The following SMAD4 variants were observed in gnomAD, a reference collection of about 807,000 sequenced individuals.
The protein encoded by SMAD4 is SMAD family member 4, also known as MAD homolog 4.
A neutral mutation model predicts 63.2 loss-of-function variants in SMAD4; 7 were observed. That is an observed-to-expected ratio of 0.11 (90% CI 0.06 to 0.21). The LOEUF is 0.21. Among genes scored for constraint, SMAD4 ranks in the 10% least tolerant of loss-of-function variants. SMAD4 has a pLI of 1.00. For missense variants in SMAD4, 312 were observed against 693.8 expected, an observed-to-expected ratio of 0.45 and a Z score of 6.18; for synonymous variants, 215 against 235.4, an observed-to-expected ratio of 0.91 and a Z score of 0.79.
In SMAD4 at chr18:51,048,551, T is replaced by C; in HGVS notation, c.250-135T>C. On this transcript the variant is annotated intron_variant, in intron 2 of 11. Coordinates refer to ENST00000342988, the MANE Select transcript of SMAD4 (RefSeq NM_005359.6). ...TGTATGACATGGCCAAGTTAGTTAT[T>C]GTGAATTTTAGTTTTCTTATTTATG... The C allele has an allele frequency of 1.0e-5, 8 of 795,874 alleles. 1 individual carries two copies. The South Asian group carries it at 1.2e-4, about 12-fold the overall frequency. 49.3% of individuals were successfully genotyped at this position (795,874 alleles called of 1,614,324 possible).
At chr18:51,050,719 C>T (rs1909684857) in intron 4 of SMAD4, among the ~76,000 whole-genome samples, 1 of 150,770 alleles carries the variant, frequency 6.6e-6, no homozygotes, top group Admixed American at 6.6e-5. Flanking sequence ...TTCTGGAGGG[C>T]AGTTAGTAGT....
intron 1 of SMAD4, among the ~76,000 whole-genome samples, chr18:51,046,243 C>G (rs1389111685): frequency 6.6e-6 from 1 of 152,118 alleles, no homozygotes; most frequent in Non-Finnish European, 1.5e-5. Context: ...GAGTGAGGGT[C>G]CAATTTCTCG....
chr18:51,045,690 G>A (rs2144397403), intron 1 of SMAD4, among the ~76,000 whole-genome samples: 1 of 152,166 alleles, frequency 6.6e-6, no homozygotes, highest in South Asian at 2.1e-4. Context: ...CAATTCAGTG[G>A]TTTTTACTAT....
chr18:51,081,117 T>C lies in SMAD4; in HGVS notation c.*2650T>C. 4.6e-6 allele frequency: 1 copy of C among 219,024 alleles called. No individual in the cohort carries two copies. 13.6% of individuals were successfully genotyped at this position (219,024 alleles called of 1,614,324 possible). A position where few individuals can be genotyped will look rare whatever the true frequency, so the allele number is the denominator to read the frequency against. On this transcript the variant is annotated 3_prime_UTR_variant, in exon 12 of 12. Coordinates refer to ENST00000342988, the MANE Select transcript of SMAD4 (RefSeq NM_005359.6). ...AATCTATATTTCTATTTCTTAGTGG[T>C]AGTCATCTTTGATGAATAAGACTAA...
rs1568201610 is a variant in SMAD4, at chr18:51,042,298, T to TC, written c.-127-4620dup. On this transcript the variant is annotated intron_variant, in intron 1 of 11. Coordinates refer to ENST00000342988, the MANE Select transcript of SMAD4 (RefSeq NM_005359.6). ...TTTCTTGCCTGCCTGCCTCCCTCCC[T>TC]CCTTCCCTCCCTCCCTCCCTCCCTC... 9.5e-3 allele frequency among the ~76,000 whole-genome samples: 605 copies of TC among 63,944 alleles called. 19 individuals carry two copies. Among genetic ancestry groups the TC allele is most frequent in the African/African-American group, 0.026 (561 of 21,266 alleles). 41.9% of individuals were successfully genotyped at this position (63,944 alleles called of 152,430 possible).
intron 7 of SMAD4, 56 bp downstream of exon 7, chr18:51,058,512 T>A: frequency 2.7e-6 from 3 of 1,104,826 alleles, no homozygotes; most frequent in African/African-American, 1.6e-5. Flanking sequence ...GGTAGGGCTT[T>A]GTTTTCTGTT....
intron 10 of SMAD4, among the ~76,000 whole-genome samples, chr18:51,073,572 C>T (rs933230609): frequency 6.6e-6 from 1 of 151,394 alleles, no homozygotes; most frequent in African/African-American, 2.4e-5. Flanking sequence ...GCTCTGTTGC[C>T]CAGGCTGGAG....
chr18:51,064,186 A>G (rs924861188), intron 8 of SMAD4, among the ~76,000 whole-genome samples: 1 of 152,204 alleles, frequency 6.6e-6, no homozygotes, highest in African/African-American at 2.4e-5. Flanking sequence ...AGATACAGAT[A>G]AATCTTTCTT....
At chr18:51,032,393 T>C (rs932279385) in intron 1 of SMAD4, among the ~76,000 whole-genome samples, 8 of 152,230 alleles carry the variant, frequency 5.3e-5, no homozygotes, top group Admixed American at 2.0e-4. Context: ...AATGAAAATT[T>C]GTGCCGAGAA....
intron 11 of SMAD4, 63 bp downstream of exon 11, chr18:51,076,839 C>T (rs754082778): frequency 7.7e-7 from 1 of 1,290,964 alleles, no homozygotes; most frequent in Non-Finnish European, 1.1e-6. Flanking sequence ...TTGATTTACT[C>T]AGTTGATTAG....
Position 51,061,363 on chromosome 18 carries a change from T to G in SMAD4, c.955+1447T>G, listed in dbSNP as rs541232952. 3.3e-4 allele frequency among the ~76,000 whole-genome samples: 51 copies of G among 152,310 alleles called. 1 individual carries two copies. The highest frequency in any genetic ancestry group is 1.2e-3 in the African/African-American group (50 of 41,578). On this transcript the variant is annotated intron_variant, in intron 8 of 11. Coordinates refer to ENST00000342988, the MANE Select transcript of SMAD4 (RefSeq NM_005359.6). ...ACCTTCCCCCAATCCCCCACTACCT[T>G]TCCCAGCCTCTGGTAACCATCCTTC...
intron 1 of SMAD4, chr18:51,045,058 G>A (rs1909500829): frequency 6.6e-6 from 1 of 152,230 alleles, no homozygotes; most frequent in Middle Eastern, 3.2e-3. Flanking sequence ...TCAGGTGATT[G>A]ATGTACATTC....
Position 51,082,702 on chromosome 18 carries a change from G to T in SMAD4, c.*4235G>T, listed in dbSNP as rs1365968070. On this transcript the variant is annotated 3_prime_UTR_variant, in exon 12 of 12. Coordinates refer to ENST00000342988, the MANE Select transcript of SMAD4 (RefSeq NM_005359.6). ...AGGACTGTGTTGCCTTTACTAAATG[G>T]TCTGAGACAGCTATGGTTTTGAATT... 2 of 230,756 alleles carry T rather than the reference G, an allele frequency of 8.7e-6. No homozygotes were observed. Among genetic ancestry groups the T allele is most frequent in the East Asian group, 1.2e-4 (2 of 16,374 alleles). 14.3% of individuals were successfully genotyped at this position (230,756 alleles called of 1,614,324 possible).
chr18:51,063,709 G>A (rs1414814432), intron 8 of SMAD4, among the ~76,000 whole-genome samples: 1 of 152,134 alleles, frequency 6.6e-6, no homozygotes, highest in Non-Finnish European at 1.5e-5. Context: ...CACCATGCCC[G>A]GCTGAAAATA....
rs1599209469 is a variant in SMAD4 at position 51,083,462 on chromosome 18, T to G, written c.*4995T>G. ...AAACTTTTTGTCCTTTTTTTTTCTG[T>G]TTTTTTTTTTCTAATGTAGTAAGGA... On this transcript the variant is annotated 3_prime_UTR_variant, in exon 12 of 12. Coordinates refer to ENST00000342988, the MANE Select transcript of SMAD4 (RefSeq NM_005359.6). The G allele has an allele frequency of 5.3e-6, 1 of 189,524 alleles. No individual in the cohort carries two copies. The allele number at this position is 189,524 out of a possible 1,614,324, so 11.7% of individuals were successfully genotyped here.
intron 4 of SMAD4, chr18:51,053,062 A>G (rs1190463263): frequency 6.6e-6 from 1 of 152,274 alleles, no homozygotes; most frequent in Non-Finnish European, 1.5e-5. Flanking sequence ...TTTAGCCAGC[A>G]TATTTAGGGC....
chr18:51,077,005 A>T lies in SMAD4; in HGVS notation c.1447+229A>T, dbSNP rs1442803710. The T allele has an allele frequency of 1.1e-5, 5 of 437,250 alleles. No homozygotes were observed. In the East Asian group the frequency reaches 1.6e-4, roughly 14 times the overall value. 27.1% of individuals were successfully genotyped at this position (437,250 alleles called of 1,614,324 possible). A position where few individuals can be genotyped will look rare whatever the true frequency, so the allele number is the denominator to read the frequency against. On this transcript the variant is annotated intron_variant, in intron 11 of 11. Transcript: ENST00000342988. The stretch of plus-strand genomic sequence containing the variant: ...AAATGGAGTATGGGATGAAGGAGAA[A>T]GGGGATGATTATTATATTATACTGT...
At chr18:51,056,513 G>A (rs549931304) in intron 5 of SMAD4, among the ~76,000 whole-genome samples, 4 of 151,548 alleles carry the variant, frequency 2.6e-5, no homozygotes, top group South Asian at 4.2e-4. Context: ...CAGCTGCTCC[G>A]GGGGCTGAGG....
Position 51,079,580 on chromosome 18 carries a change from A to C in SMAD4, c.*1113A>C, listed in dbSNP as rs1334089489. On this transcript the variant is annotated 3_prime_UTR_variant, in exon 12 of 12. Coordinates refer to ENST00000342988, the MANE Select transcript of SMAD4 (RefSeq NM_005359.6). ...ATATTGTTTAAAATTCAGTTTTTGT[A>C]TCTTGGGGCAAGACTGCAAACTTTT... The C allele has an allele frequency of 1.7e-5, 4 of 233,300 alleles. No homozygotes were observed. The highest frequency in any genetic ancestry group is 3.4e-5 in the Non-Finnish European group (4 of 117,920). 14.5% of individuals were successfully genotyped at this position (233,300 alleles called of 1,614,324 possible).
Sources: allele counts gnomAD v4.1 joint callset (sites outside exome capture counted in the v4.1 genomes callset), GRCh38; gene constraint gnomAD v4.1.1; transcripts MANE v1.5; gene names NCBI Gene and HGNC (gene_info 2026-07-23, HGNC 2026-07-21).